CSNK1A1: variants seen among roughly 807,000 people sequenced by gnomAD.
CSNK1A1 encodes casein kinase 1 alpha 1, also known as casein kinase I isoform alpha.
A neutral mutation model predicts 46.1 loss-of-function variants in CSNK1A1; 7 were observed. The ratio of observed to expected loss-of-function variants is 0.15; its 90% confidence interval spans 0.09 to 0.29. The LOEUF (loss-of-function observed/expected upper bound fraction) is 0.29. CSNK1A1 is among the 10% of genes least tolerant of loss of function. The probability of loss-of-function intolerance (pLI) is 1.00; values close to 1 mark genes in which losing one functional copy is unlikely to be tolerated. For synonymous variants in CSNK1A1, 137 were observed against 141.5 expected (o/e 0.97, Z 0.23); for missense variants, 96 against 417.1 (o/e 0.23, Z 6.71).
intron 2 of CSNK1A1, among the ~76,000 whole-genome samples, chr5:149,530,179 G>A (rs1380413526): frequency 6.6e-6 from 1 of 152,036 alleles, no homozygotes; most frequent in Non-Finnish European, 1.5e-5. Context: ...TTCACAATCT[G>A]TATTCCCAGC....
At chr5:149,534,376 C>T (rs919744424) in intron 2 of CSNK1A1, among the ~76,000 whole-genome samples, 3 of 149,480 alleles carry the variant, frequency 2.0e-5, no homozygotes, top group Admixed American at 6.7e-5. Context: ...CAGCTACTCT[C>T]GGGAGGCTGA....
At chr5:149,541,625 A>C (rs1207815727) in intron 2 of CSNK1A1, among the ~76,000 whole-genome samples, 1 of 152,216 alleles carries the variant, frequency 6.6e-6, no homozygotes, top group African/African-American at 2.4e-5. Flanking sequence ...ACAGTGACAG[A>C]TCATGAGAAA....
chr5:149,496,954 AT>A (rs1386629311), intron 9 of CSNK1A1, 94 bp from the exon 10 acceptor site: 2 of 1,497,536 alleles, frequency 1.3e-6, no homozygotes, highest in Non-Finnish European at 1.8e-6. Context: ...AACTGAGCCA[AT>A]AATTATAGTG....
intron 3 of CSNK1A1, among the ~76,000 whole-genome samples, chr5:149,523,688 T>A (rs1344452712): frequency 6.6e-6 from 1 of 152,246 alleles, no homozygotes; most frequent in East Asian, 1.9e-4. Context: ...AGTTTTTTCA[T>A]TGATCTATAA....
intron 2 of CSNK1A1, among the ~76,000 whole-genome samples, chr5:149,540,470 T>C (rs1171903275): frequency 6.6e-6 from 1 of 152,132 alleles, no homozygotes; most frequent in Admixed American, 6.6e-5. Flanking sequence ...GAATACCATA[T>C]TTACTACCAT....
chr5:149,512,498 G>C (rs1761259825), intron 5 of CSNK1A1, among the ~76,000 whole-genome samples: 1 of 151,954 alleles, frequency 6.6e-6, no homozygotes, highest in Non-Finnish European at 1.5e-5. Flanking sequence ...TAGTTTTAAG[G>C]AGCAAAAAGT....
At chr5:149,530,795 G>A (rs766678326) in intron 2 of CSNK1A1, among the ~76,000 whole-genome samples, 4 of 151,602 alleles carry the variant, frequency 2.6e-5, no homozygotes, top group East Asian at 1.9e-4. Context: ...GTGAAACCCC[G>A]TCTCTACTAA....
At chr5:149,513,403 TAA>T (rs3832344) in intron 4 of CSNK1A1, among the ~76,000 whole-genome samples, 194 bp from the exon 5 acceptor site, 1 of 146,234 alleles carries the variant, frequency 6.8e-6, no homozygotes, top group African/African-American at 2.5e-5. Context: ...TAAATCAAGT[TAA>T]AAAAAAAAAG....
At chr5:149,508,195 G>T (rs1006906395) in intron 7 of CSNK1A1, among the ~76,000 whole-genome samples, 1 of 152,164 alleles carries the variant, frequency 6.6e-6, no homozygotes, top group African/African-American at 2.4e-5. Flanking sequence ...GAGTTAGGAA[G>T]GATAGAATGG....
chr5:149,527,383 C>T (rs1179554048), intron 2 of CSNK1A1, among the ~76,000 whole-genome samples: 1 of 152,178 alleles, frequency 6.6e-6, no homozygotes, highest in Non-Finnish European at 1.5e-5. Context: ...CTCTTGGCCT[C>T]CCAAAGTCCT....
In CSNK1A1 at chr5:149,499,950, GTTTTTTTTCTTTTTTTC is replaced by G. The variant is rs1554114560; in HGVS notation, c.1007-3107_1007-3091del. Among the ~76,000 whole-genome samples the G allele has an allele frequency of 2.5e-4, 34 of 138,164 alleles. 2 individuals are homozygous for G. Among genetic ancestry groups the G allele is most frequent in the South Asian group, 4.6e-4 (2 of 4,380 alleles). The allele number at this position is 138,164 out of a possible 152,430, so 90.6% of individuals were successfully genotyped here. Reference sequence around the variant, plus strand: ...ACTTTTCCTATAACATGGTTGTGGGGTTTTTTTTCTTTTTTTCTTTTTTTTTTTTTTTTTTTGAGACG... The same window carrying G: ...ACTTTTCCTATAACATGGTTGTGGGGTTTTTTTTTTTTTTTTTTTGAGACG... On this transcript the variant is annotated intron_variant, in intron 9 of 9. Coordinates refer to ENST00000377843, the MANE Select transcript of CSNK1A1 (RefSeq NM_001892.6).
In CSNK1A1 at chr5:149,520,399, A is replaced by C. The variant is rs749690370; in HGVS notation, c.358-11T>G. On this transcript the variant is annotated splice_polypyrimidine_tract_variant and intron_variant, in intron 3 of 9. Coordinates refer to ENST00000377843, the MANE Select transcript of CSNK1A1 (RefSeq NM_001892.6). Reference sequence around the variant, plus strand: ...AATTCTACTGATCATCTGGAAAAAAAAGAAGGGAGAGATAATTGAGTTAAG... The same window carrying C: ...AATTCTACTGATCATCTGGAAAAAACAGAAGGGAGAGATAATTGAGTTAAG... The C allele has an allele frequency of 8.9e-6, 13 of 1,466,274 alleles. No individual in the cohort carries two copies. The African/African-American group carries it at 1.3e-4, about 14-fold the overall frequency. The allele number at this position is 1,466,274 out of a possible 1,614,324, so 90.8% of individuals were successfully genotyped here. A position where few individuals can be genotyped will look rare whatever the true frequency, so the allele number is the denominator to read the frequency against.
At chr5:149,500,375 G>A (rs1360236547) in intron 9 of CSNK1A1, among the ~76,000 whole-genome samples, 1 of 151,938 alleles carries the variant, frequency 6.6e-6, no homozygotes, top group Non-Finnish European at 1.5e-5. Context: ...CTGACCTTGT[G>A]ATCCGCCCGC....
chr5:149,497,632 G>A, intron 9 of CSNK1A1: 2 of 985,400 alleles, frequency 2.0e-6, no homozygotes, highest in Non-Finnish European at 2.4e-6. Flanking sequence ...AAATATGCCT[G>A]TCCCACAGCA....
Position 149,550,653 on chromosome 5 carries a change from T to C in CSNK1A1, c.123+189A>G, listed in dbSNP as rs1382708564. On this transcript the variant is annotated intron_variant, in intron 1 of 9. Coordinates refer to ENST00000377843, the MANE Select transcript of CSNK1A1 (RefSeq NM_001892.6). The surrounding 1 kb of genome is among the most constrained non-coding windows in gnomAD (Gnocchi z 4.3). ...GGTGGGAAACTAGTTCCCCCAACCT[T>C]TCTATCGGGTTCTTGACCCTTTTAG... Among the ~76,000 whole-genome samples the C allele has an allele frequency of 6.6e-6, 1 of 151,694 alleles. No homozygotes were observed. Among genetic ancestry groups the C allele is most frequent in the Non-Finnish European group, 1.5e-5 (1 of 67,968 alleles).
intron 7 of CSNK1A1, among the ~76,000 whole-genome samples, chr5:149,507,488 T>A (rs1012434558): frequency 6.6e-6 from 1 of 151,338 alleles, no homozygotes; most frequent in African/African-American, 2.4e-5. Context: ...AAAGACAGGG[T>A]CTCAATCTGT....
intron 3 of CSNK1A1, 46 bp downstream of exon 3, chr5:149,524,999 C>G: frequency 6.5e-7 from 1 of 1,533,684 alleles, no homozygotes; most frequent in African/African-American, 1.4e-5. Flanking sequence ...AAATTCCAGT[C>G]AACAGTACTA....
At chr5:149,511,903 G>A in intron 5 of CSNK1A1, 31 bp from the exon 6 acceptor site, 1 of 1,501,570 alleles carries the variant, frequency 6.7e-7, no homozygotes, top group Non-Finnish European at 9.2e-7. Context: ...TTATAAACTG[G>A]AACTATTATT....
intron 9 of CSNK1A1, chr5:149,498,994 G>C (rs1290962795): frequency 1.0e-6 from 1 of 985,278 alleles, no homozygotes. Flanking sequence ...TGGTAGAATA[G>C]AGCAGTCAAA....
Sources: gnomAD v4.1 joint callset for allele counts (sites outside exome capture counted in the v4.1 genomes callset) on GRCh38, gnomAD v4.1.1 for gene constraint, Gnocchi (gnomAD v3.1) non-coding constraint, MANE v1.5 for transcripts, NCBI Gene and HGNC (gene_info 2026-07-23, HGNC 2026-07-21) for gene names.